Variants in SETD5 observed in about 807,000 individuals in gnomAD.
SETD5 encodes histone-lysine N-methyltransferase SETD5.
A neutral mutation model predicts 153.3 loss-of-function variants in SETD5; 44 were observed. The observed-to-expected ratio is 0.29, with a 90% CI of 0.23 to 0.37. SETD5 has a LOEUF of 0.37. Among genes scored for constraint, SETD5 ranks in the 10% least tolerant of loss-of-function variants. The probability of loss-of-function intolerance (pLI) is 1.00; values close to 1 mark genes in which losing one functional copy is unlikely to be tolerated. For missense variants in SETD5, 1,544 were observed against 1,768.0 expected (o/e 0.87, Z 2.27); for synonymous variants, 716 against 645.2 (o/e 1.11, Z -1.66).
chr3:9,467,335 G>C (rs2044727722), intron 18 of SETD5, among the ~76,000 whole-genome samples: 1 of 151,880 alleles, frequency 6.6e-6, no homozygotes, highest in African/African-American at 2.4e-5. Flanking sequence ...AAGATAAACA[G>C]TGGAAGAGAA....
rs1220177177 is a variant in SETD5, at chr3:9,476,562, A to G, written c.*471A>G. ...CTGTTAGGGTTTTATGCACTTAAGA[A>G]AAAAGGTAGGTATGTAAATGTTCAT... On this transcript the variant is annotated 3_prime_UTR_variant, in exon 23 of 23. Coordinates refer to ENST00000402198, the MANE Select transcript of SETD5 (RefSeq NM_001080517.3). 1 of 155,524 alleles carries G rather than the reference A, an allele frequency of 6.4e-6. No individual in the cohort carries two copies. The highest frequency in any genetic ancestry group is 2.4e-5 in the African/African-American group (1 of 41,474). 9.6% of individuals were successfully genotyped at this position (155,524 alleles called of 1,614,324 possible).
At chr3:9,421,659 TAAC>T (rs1340837656) in intron 1 of SETD5, among the ~76,000 whole-genome samples, 2 of 152,208 alleles carry the variant, frequency 1.3e-5, no homozygotes, top group African/African-American at 4.8e-5. Flanking sequence ...AGCCTATATG[TAAC>T]AACAAAATTT....
chr3:9,447,863 A>G lies in SETD5; in HGVS notation c.1960A>G (p.Asn654Asp). 3 of 1,614,062 alleles carry G rather than the reference A, an allele frequency of 1.9e-6. No homozygotes were observed. The highest frequency in any genetic ancestry group is 2.5e-6 in the Non-Finnish European group (3 of 1,179,898). ...SQAALEEGGSNSLVTPTEAGS... is the reference protein window; with the variant it reads ...SQAALEEGGSDSLVTPTEAGS... Reference sequence around the variant, plus strand: ...AGCTGCCTTGGAAGAGGGAGGAAGTAACAGTTTAGTAACTCCTACTGAAGC... The same window carrying G: ...AGCTGCCTTGGAAGAGGGAGGAAGTGACAGTTTAGTAACTCCTACTGAAGC... The change falls in exon 15 of 23, where the codon AAC (asparagine) becomes GAC (aspartate). Residue 654 changes from asparagine to aspartate, a missense_variant. Physicochemically the swap from Asn to Asp is conservative, Grantham distance 23. Around this residue, in one of 9 missense-constraint regions of SETD5, gnomAD observed 782 missense variants for 787.2 expected, o/e 0.99. Coordinates refer to ENST00000402198, the MANE Select transcript of SETD5 (RefSeq NM_001080517.3).
chr3:9,446,070 G>A (rs1458153803), intron 13 of SETD5, among the ~76,000 whole-genome samples: 2 of 148,586 alleles, frequency 1.3e-5, no homozygotes, highest in African/African-American at 2.5e-5. Context: ...GGCGGATCAC[G>A]AGGTCAGGAG....
At chr3:9,425,575 C>CTTTTTT (rs767789314) in intron 2 of SETD5, among the ~76,000 whole-genome samples, 1 of 108,082 alleles carries the variant, frequency 9.3e-6, no homozygotes, top group African/African-American at 3.6e-5. Context: ...AGAAACTGTA[C>CTTTTTT]TTTTTTTTTT....
chr3:9,440,476 G>A lies in SETD5; in HGVS notation c.588G>A (p.Gln196=), dbSNP rs1374006868. ...KKIKNSPSEA[Q]NLDENTTEGW... Reference sequence around the variant, plus strand: ...TACAGAATTCTCCCTCTGAAGCACAGAATTTAGATGAGAATACAACTGAGG... The same window carrying A: ...TACAGAATTCTCCCTCTGAAGCACAAAATTTAGATGAGAATACAACTGAGG... The change falls in exon 8 of 23, where the codon CAG becomes CAA. Residue 196 remains glutamine, a synonymous_variant. Transcript: ENST00000402198. The A allele has an allele frequency of 6.3e-7, 1 of 1,577,154 alleles. No homozygotes were observed.
rs965505847 is a variant in SETD5 at position 9,428,864 on chromosome 3, T to C, written c.-75T>C. ...AACATGTTGGATGAGGCTCTGCAGC[T>C]CACCCCCACTCTCAGAGTGGTCAGT... On this transcript the variant is annotated 5_prime_UTR_variant, in exon 3 of 23. Coordinates refer to ENST00000402198, the MANE Select transcript of SETD5 (RefSeq NM_001080517.3). 37 of 1,031,034 alleles carry C rather than the reference T, an allele frequency of 3.6e-5. No individual in the cohort carries two copies. Among genetic ancestry groups the C allele is most frequent in the Admixed American group, 1.6e-4 (8 of 48,494 alleles). 63.9% of individuals were successfully genotyped at this position (1,031,034 alleles called of 1,614,324 possible). A position where few individuals can be genotyped will look rare whatever the true frequency, so the allele number is the denominator to read the frequency against.
chr3:9,426,691 C>T (rs142729107), intron 2 of SETD5, among the ~76,000 whole-genome samples: 168 of 152,132 alleles, frequency 1.1e-3, no homozygotes, highest in African/African-American at 3.4e-3. Flanking sequence ...CCGCGCCTGG[C>T]GCACACCAGG....
intron 1 of SETD5, among the ~76,000 whole-genome samples, chr3:9,403,313 C>T (rs2035119693): frequency 6.6e-6 from 1 of 152,174 alleles, no homozygotes; most frequent in South Asian, 2.1e-4. Flanking sequence ...CCACACTCTG[C>T]ACCCTCCTAG....
chr3:9,437,385 T>C (rs753176298), intron 7 of SETD5, among the ~76,000 whole-genome samples: 5 of 152,194 alleles, frequency 3.3e-5, no homozygotes, highest in African/African-American at 4.8e-5. Context: ...TAAAAGAGTT[T>C]ATGAAGTATG....
chr3:9,410,627 G>T (rs906601433), intron 1 of SETD5, among the ~76,000 whole-genome samples: 3 of 152,136 alleles, frequency 2.0e-5, no homozygotes, highest in South Asian at 2.1e-4. Flanking sequence ...CCCTGTCCCT[G>T]TATGTTAGAC....
intron 2 of SETD5, among the ~76,000 whole-genome samples, chr3:9,425,039 G>C (rs901906680): frequency 3.7e-5 from 5 of 135,654 alleles, no homozygotes; most frequent in African/African-American, 1.5e-4. Context: ...GAAATTTATA[G>C]TTACCGACAA....
chr3:9,447,659 A>G (rs2042174626), intron 14 of SETD5, 27 bp from the exon 15 acceptor site: 1 of 1,573,320 alleles, frequency 6.4e-7, no homozygotes, highest in Non-Finnish European at 8.6e-7. Context: ...CATTTCTGGT[A>G]AGCATCTGAC....
At chr3:9,468,424 AT>A (rs1437685200) in intron 18 of SETD5, 7 of 1,121,762 alleles carry the variant, frequency 6.2e-6, no homozygotes, top group Non-Finnish European at 8.4e-6. Context: ...GAAAAAAGTT[AT>A]GGCTAACATC....
At chr3:9,455,980 A>G (rs1289243896) in intron 17 of SETD5, among the ~76,000 whole-genome samples, 1 of 152,224 alleles carries the variant, frequency 6.6e-6, no homozygotes, top group East Asian at 1.9e-4. Context: ...AAAATCAAGC[A>G]GCAGTCAAAT....
In SETD5 at chr3:9,474,466, T is replaced by C; in HGVS notation, c.3515T>C (p.Val1172Ala). 3 of 1,613,864 alleles carry C rather than the reference T, an allele frequency of 1.9e-6. No homozygotes were observed. Among genetic ancestry groups the C allele is most frequent in the Non-Finnish European group, 2.5e-6 (3 of 1,179,828 alleles). The change falls in exon 21 of 23, where the codon GTA becomes GCA. Residue 1172 changes from valine (V) to alanine (A), a missense_variant. By Grantham distance (64) the Val-to-Ala change is moderately conservative (BLOSUM62 0). This residue lies in a region of SETD5 where 38 missense variants were observed against 71.4 expected (regional missense o/e 0.53). Coordinates refer to ENST00000402198, the MANE Select transcript of SETD5 (RefSeq NM_001080517.3). ...ISSRWMVPTS[V>A]ERLREGGSIP... ...CTTTACAGGATGGTTCCCACATCAG[T>C]AGAACGACTCCGAGAAGGAGGGAGC...
At chr3:9,435,268 A>ACCCCTCT (rs1373336678) in intron 6 of SETD5, among the ~76,000 whole-genome samples, 1 of 148,126 alleles carries the variant, frequency 6.8e-6, no homozygotes, top group East Asian at 2.0e-4. Flanking sequence ...AAAAAAAAGA[A>ACCCCTCT]CCCCTCTTAC....
intron 1 of SETD5, among the ~76,000 whole-genome samples, chr3:9,415,877 CTT>C (rs1236644057): frequency 5.6e-5 from 8 of 141,894 alleles, no homozygotes; most frequent in Non-Finnish European, 4.6e-5. Flanking sequence ...TGCTGTTGAA[CTT>C]TTTTTTTTTT....
intron 11 of SETD5, 95 bp downstream of exon 11, chr3:9,443,512 T>G (rs1213183862): frequency 1.5e-6 from 1 of 665,686 alleles, no homozygotes; most frequent in African/African-American, 1.9e-5. Context: ...TCTTGCCTTT[T>G]CCTTTGTTTA....
Sources: gnomAD v4.1 joint callset for allele counts (sites outside exome capture counted in the v4.1 genomes callset) on GRCh38, gnomAD v4.1.1 for gene constraint, gnomAD v4.1.1 regional missense constraint, MANE v1.5 for transcripts, NCBI Gene and HGNC (gene_info 2026-07-23, HGNC 2026-07-21) for gene names.